Variants in GPC5 observed in about 807,000 individuals in gnomAD.
GPC5 encodes glypican 5, also known as glypican-5.
GPC5 carries 47 observed loss-of-function variants against 53.9 expected under a neutral mutation model. That is an observed-to-expected ratio of 0.87 (90% CI 0.69 to 1.11). The LOEUF (loss-of-function observed/expected upper bound fraction) is 1.11. Among genes scored for constraint, GPC5 ranks in the 50% most tolerant of loss-of-function variants. The pLI, the probability that GPC5 is intolerant of heterozygous loss-of-function variation, is 0.00. For synonymous variants in GPC5, 286 were observed against 263.3 expected (o/e 1.09, Z -0.84); for missense variants, 748 against 713.1 (o/e 1.05, Z -0.56).
In GPC5 at chr13:92,039,139, G is replaced by GAA. The variant is rs537874032; in HGVS notation, c.1402-105690_1402-105689insAA. Among the ~76,000 whole-genome samples the GAA allele has an allele frequency of 3.8e-3, 586 of 152,354 alleles. 8 individuals carry two copies. The highest frequency in any genetic ancestry group is 0.014 in the African/African-American group (563 of 41,582). ...CAGTGGGTTTGGGAGAGAAAGACAA[G>GAA]AGGAGCATTGGAGCCTGTGGCTCTG... On this transcript the variant is annotated intron_variant, in intron 6 of 7. Coordinates refer to ENST00000377067, the MANE Select transcript of GPC5 (RefSeq NM_004466.6).
At chr13:91,571,589 G>A (rs2031781806) in intron 2 of GPC5, among the ~76,000 whole-genome samples, 1 of 151,750 alleles carries the variant, frequency 6.6e-6, no homozygotes, top group Non-Finnish European at 1.5e-5. Context: ...GCTGGGTGTG[G>A]TGGCACACAC....
At chr13:92,179,192 G>T (rs903999880) in intron 7 of GPC5, among the ~76,000 whole-genome samples, 1 of 151,962 alleles carries the variant, frequency 6.6e-6, no homozygotes, top group African/African-American at 2.4e-5. Context: ...TCCTAAATTA[G>T]CTCTGGGGTA....
chr13:92,841,035 G>A (rs377662616), intron 7 of GPC5, among the ~76,000 whole-genome samples: 4 of 152,010 alleles, frequency 2.6e-5, no homozygotes, highest in Non-Finnish European at 4.4e-5. Context: ...TACATATAAG[G>A]TCAAGTCATC....
chr13:92,503,899 G>T lies in GPC5; in HGVS notation c.1561+358910G>T, dbSNP rs557315403. Among the ~76,000 whole-genome samples the T allele has an allele frequency of 8.6e-5, 13 of 151,958 alleles. No individual in the cohort carries two copies. In the East Asian group the frequency reaches 2.5e-3, roughly 29 times the overall value. On this transcript the variant is annotated intron_variant, in intron 7 of 7. Transcript: ENST00000377067. ...CTGAAAATAAAATCCTCTTGGCCAA[G>T]ATTGTTTCTGATAAATTCTAGGGAA...
intron 2 of GPC5, among the ~76,000 whole-genome samples, chr13:91,608,138 G>C (rs1197797394): frequency 6.6e-6 from 1 of 152,182 alleles, no homozygotes; most frequent in Non-Finnish European, 1.5e-5. Flanking sequence ...AGTGACTTGT[G>C]TAGGGTAGAT....
intron 2 of GPC5, among the ~76,000 whole-genome samples, chr13:91,684,023 T>G (rs1431194526): frequency 6.6e-6 from 1 of 152,230 alleles, no homozygotes; most frequent in Non-Finnish European, 1.5e-5. Context: ...CAATTGTTAT[T>G]CCTCATCTCA....
chr13:92,076,890 T>C (rs376611009), intron 6 of GPC5, among the ~76,000 whole-genome samples: 3 of 152,272 alleles, frequency 2.0e-5, no homozygotes, highest in African/African-American at 7.2e-5. Flanking sequence ...CTAGCACCTT[T>C]TAAAGGCCTG....
chr13:92,843,132 G>C (rs554345604), intron 7 of GPC5, among the ~76,000 whole-genome samples: 1 of 152,132 alleles, frequency 6.6e-6, no homozygotes, highest in East Asian at 1.9e-4. Context: ...AAGGTGGATT[G>C]TTTTTCATAA....
chr13:92,411,773 A>T (rs1359001128), intron 7 of GPC5, among the ~76,000 whole-genome samples: 2 of 152,232 alleles, frequency 1.3e-5, no homozygotes, highest in Non-Finnish European at 2.9e-5. Context: ...ATAATGATGT[A>T]TATAAATCCA....
chr13:92,802,933 C>T (rs1047099460), intron 7 of GPC5, among the ~76,000 whole-genome samples: 1 of 151,890 alleles, frequency 6.6e-6, no homozygotes, highest in African/African-American at 2.4e-5. Context: ...TTCATGTCCA[C>T]GTGACAAATG....
chr13:92,296,520 C>T (rs914120606), intron 7 of GPC5, among the ~76,000 whole-genome samples: 5 of 152,138 alleles, frequency 3.3e-5, no homozygotes, highest in East Asian at 1.9e-4. Flanking sequence ...TCAGAGCCCT[C>T]GCTTGCTCTC....
chr13:92,717,276 A>AAAG (rs1888364098), intron 7 of GPC5, among the ~76,000 whole-genome samples: 1 of 152,144 alleles, frequency 6.6e-6, no homozygotes. Flanking sequence ...CAAGAGGGAA[A>AAAG]AAGGAGATCC....
At chr13:92,528,868 T>C (rs1881455146) in intron 7 of GPC5, among the ~76,000 whole-genome samples, 1 of 152,046 alleles carries the variant, frequency 6.6e-6, no homozygotes, top group South Asian at 2.1e-4. Flanking sequence ...GACTATTTTC[T>C]TGAAATAAAT....
chr13:92,407,471 C>CA (rs1875843985), intron 7 of GPC5, among the ~76,000 whole-genome samples: 1 of 120,908 alleles, frequency 8.3e-6, no homozygotes, highest in African/African-American at 3.1e-5. Flanking sequence ...ACCATTATTT[C>CA]AAATATAGTC....
rs144986391 is a variant in GPC5 at position 91,993,871 on chromosome 13, T to C, written c.1401+85814T>C. 4.8e-3 allele frequency among the ~76,000 whole-genome samples: 737 copies of C among 152,296 alleles called. 1 individual carries two copies. Among genetic ancestry groups the C allele is most frequent in the Middle Eastern group, 0.01 (3 of 294 alleles). On this transcript the variant is annotated intron_variant, in intron 6 of 7. Coordinates refer to ENST00000377067, the MANE Select transcript of GPC5 (RefSeq NM_004466.6). ...AGAAAATAAGAAAATGATCAGGATG[T>C]CTGTGACAATATTATATAATGTGAC...
chr13:91,719,046 GA>G (rs34325528), intron 3 of GPC5, among the ~76,000 whole-genome samples: 17,693 of 148,244 alleles, frequency 0.12, 1,170 homozygotes, highest in East Asian at 0.29. Flanking sequence ...CAGTTAAAGA[GA>G]AAAAAAAAAC....
intron 2 of GPC5, among the ~76,000 whole-genome samples, chr13:91,585,868 C>T (rs538589486): frequency 6.6e-6 from 1 of 151,814 alleles, no homozygotes; most frequent in African/African-American, 2.4e-5. Context: ...AAAGTAAAAA[C>T]CTGAGTTAAA....
intron 5 of GPC5, among the ~76,000 whole-genome samples, chr13:91,764,836 A>G (rs1340715915): frequency 2.0e-4 from 31 of 152,206 alleles, no homozygotes; most frequent in Admixed American, 2.0e-3. Context: ...AAGTGAGAGA[A>G]GAAATCATTC....
intron 7 of GPC5, among the ~76,000 whole-genome samples, chr13:92,619,800 A>G (rs559912271): frequency 3.9e-5 from 6 of 152,152 alleles, no homozygotes; most frequent in Admixed American, 2.0e-4. Context: ...TTTTATTTCT[A>G]GGAAAAGCAA....
Sources: allele counts gnomAD v4.1 joint callset (sites outside exome capture counted in the v4.1 genomes callset), GRCh38; gene constraint gnomAD v4.1.1; transcripts MANE v1.5; gene names NCBI Gene and HGNC (gene_info 2026-07-23, HGNC 2026-07-21).